NUP133: variants seen among roughly 807,000 people sequenced by gnomAD.
The protein encoded by NUP133 is nucleoporin 133, also known as nuclear pore complex protein Nup133.
Under a neutral mutation model 146.2 loss-of-function variants are expected in NUP133, and 66 were observed. The observed-to-expected ratio is 0.45, with a 90% CI of 0.37 to 0.55. The LOEUF (loss-of-function observed/expected upper bound fraction) is 0.55, where lower values mean the gene tolerates loss of function less well. Ranked by LOEUF, NUP133 falls within the 20% of genes least tolerant of loss-of-function variation. The pLI, the probability that NUP133 is intolerant of heterozygous loss-of-function variation, is 0.00. For missense variants in NUP133, 1,277 were observed against 1,374.8 expected (o/e 0.93, Z 1.12); for synonymous variants, 521 against 498.8 (o/e 1.04, Z -0.59).
intron 11 of NUP133, 119 bp downstream of exon 11, chr1:229,486,252 T>A (rs1571930803): frequency 2.4e-6 from 2 of 845,154 alleles, no homozygotes; most frequent in East Asian, 3.2e-5. Context: ...AGGCCAGGAG[T>A]TTGGGGCTGC....
At chr1:229,469,369 C>G (rs1487322755) in intron 15 of NUP133, among the ~76,000 whole-genome samples, 1 of 152,218 alleles carries the variant, frequency 6.6e-6, no homozygotes, top group Non-Finnish European at 1.5e-5. Flanking sequence ...GGCTGCCCAG[C>G]ATCTTAACCA....
chr1:229,490,524 T>C (rs1401592964), intron 8 of NUP133, among the ~76,000 whole-genome samples: 16 of 151,902 alleles, frequency 1.1e-4, no homozygotes, highest in Non-Finnish European at 2.2e-4. Flanking sequence ...AGGCAAAATA[T>C]AGGGACAGAA....
intron 24 of NUP133, among the ~76,000 whole-genome samples, chr1:229,446,357 C>G (rs1660302395): frequency 6.6e-6 from 1 of 151,890 alleles, no homozygotes; most frequent in Non-Finnish European, 1.5e-5. Flanking sequence ...TGCGGCGAGC[C>G]GAGATTGAGC....
chr1:229,482,179 T>C (rs1661228712), intron 12 of NUP133, among the ~76,000 whole-genome samples: 1 of 152,056 alleles, frequency 6.6e-6, no homozygotes, highest in African/African-American at 2.4e-5. Flanking sequence ...CCCCTTCTGG[T>C]GACAAACTAA....
chr1:229,487,325 C>A, intron 10 of NUP133, 141 bp downstream of exon 10: 1 of 772,320 alleles, frequency 1.3e-6, no homozygotes, highest in South Asian at 1.9e-5. Flanking sequence ...GTTATGGCTT[C>A]AGCTGCTGTA....
chr1:229,450,584 T>C lies in NUP133; in HGVS notation c.3121A>G (p.Arg1041Gly). ...LIGLYICEEN[R>G]RANEYDFKKA... ...TTGAAATCATATTCATTAGCTCTTC[T>C]ATTTTCTTCACAGATATATAGCTAT... The change falls in exon 23 of 26, where the codon AGA becomes GGA. Residue 1041 changes from arginine (R) to glycine (G), a missense_variant. Coordinates refer to ENST00000261396, the MANE Select transcript of NUP133 (RefSeq NM_018230.3). 6.4e-7 allele frequency: 1 copy of C among 1,573,844 alleles called. No homozygotes were observed. The highest frequency in any genetic ancestry group is 1.1e-5 in the South Asian group (1 of 87,654).
At chr1:229,507,262 T>C (rs1661970362) in intron 1 of NUP133, among the ~76,000 whole-genome samples, 2 of 152,222 alleles carry the variant, frequency 1.3e-5, no homozygotes, top group African/African-American at 4.8e-5. Context: ...TCAAAACCAC[T>C]TCTCCTTTAA....
intron 14 of NUP133, among the ~76,000 whole-genome samples, chr1:229,474,196 C>A (rs1227014070): frequency 6.6e-6 from 1 of 152,160 alleles, no homozygotes; most frequent in East Asian, 1.9e-4. Flanking sequence ...GGCTTGCAGA[C>A]CCTCCAGCTC....
At position 229,464,613 on chromosome 1, in the gene NUP133, C is replaced by G. The variant is rs1470311201; in HGVS notation, c.2551+11G>C. ...CAAATTTAAAACTCTTGCCAAGTAT[C>G]ATGAACTTACGAAGAGGAGATAAGA... is the stretch of plus-strand genomic sequence containing the variant. On this transcript the variant is annotated intron_variant, in intron 18 of 25. Transcript: ENST00000261396. 1.9e-6 allele frequency: 3 copies of G among 1,612,756 alleles called. No individual in the cohort carries two copies. The highest frequency in any genetic ancestry group is 2.2e-5 in the South Asian group (2 of 90,992).
rs757265019 is a variant in NUP133, at chr1:229,441,476, C to G, written c.*428G>C. On this transcript the variant is annotated 3_prime_UTR_variant, in exon 26 of 26. Coordinates refer to ENST00000261396, the MANE Select transcript of NUP133 (RefSeq NM_018230.3). ...CATTTCCCATTAGCCCTAACTGAAA[C>G]AGATATCAAACACCCTAGATTCTCT... is the stretch of plus-strand genomic sequence containing the variant. The G allele has an allele frequency of 3.8e-6, 2 of 531,510 alleles. No homozygotes were observed. Among genetic ancestry groups the G allele is most frequent in the Non-Finnish European group, 7.7e-6 (2 of 259,288 alleles). The allele number at this position is 531,510 out of a possible 1,614,324, so 32.9% of individuals were successfully genotyped here. A position where few individuals can be genotyped will look rare whatever the true frequency, so the allele number is the denominator to read the frequency against.
intron 12 of NUP133, among the ~76,000 whole-genome samples, chr1:229,482,892 T>G (rs1042133591): frequency 2.0e-5 from 3 of 152,196 alleles, no homozygotes; most frequent in Admixed American, 6.5e-5. Context: ...GAGAGCGAGC[T>G]GGCCAGCCTA....
chr1:229,499,274 C>T (rs146830308), intron 5 of NUP133: 16 of 469,340 alleles, frequency 3.4e-5, no homozygotes, highest in Non-Finnish European at 6.2e-5. Flanking sequence ...GTTTTTAAGC[C>T]AATCTTATAA....
intron 20 of NUP133, among the ~76,000 whole-genome samples, chr1:229,459,776 A>G (rs753905362): frequency 6.6e-6 from 1 of 152,190 alleles, no homozygotes; most frequent in Non-Finnish European, 1.5e-5. Context: ...ATGGACACTT[A>G]GGTGGATTCC....
intron 25 of NUP133, among the ~76,000 whole-genome samples, chr1:229,443,702 T>C (rs1279324144): frequency 6.6e-6 from 1 of 151,096 alleles, no homozygotes; most frequent in Non-Finnish European, 1.5e-5. Context: ...AATATACATA[T>C]ATAATACACA....
intron 3 of NUP133, 49 bp downstream of exon 3, chr1:229,501,950 T>G (rs914092699): frequency 1.5e-6 from 2 of 1,333,072 alleles, no homozygotes; most frequent in Non-Finnish European, 2.1e-6. Flanking sequence ...GAAAAGTCAA[T>G]TGGCATTCCT....
At chr1:229,444,884 T>C in intron 25 of NUP133, 30 bp downstream of exon 25, 1 of 1,465,796 alleles carries the variant, frequency 6.8e-7, no homozygotes, top group Non-Finnish European at 9.4e-7. Flanking sequence ...GACACTGTAA[T>C]TTCCAACGGT....
At chr1:229,490,169 A>G (rs1230292659) in intron 8 of NUP133, 67 bp from the exon 9 acceptor site, 66 of 1,340,066 alleles carry the variant, frequency 4.9e-5, no homozygotes. Flanking sequence ...CTATAAAATT[A>G]AACATATGCT....
intron 15 of NUP133, among the ~76,000 whole-genome samples, chr1:229,467,457 T>C (rs779327197): frequency 9.2e-5 from 14 of 152,216 alleles, no homozygotes; most frequent in Non-Finnish European, 2.1e-4. Flanking sequence ...ACAAGTTATA[T>C]AGGCACAGAT....
rs1160798431 is a variant in NUP133, at chr1:229,484,274, C to T, written c.1501-129G>A. On this transcript the variant is annotated intron_variant, in intron 11 of 25. Coordinates refer to ENST00000261396, the MANE Select transcript of NUP133 (RefSeq NM_018230.3). ...CGAGCTGTTTGCCGTATTGTCTGTA[C>T]CAGGGGTGTCCAATCTTTTGGCTTC... The T allele has an allele frequency of 1.5e-5, 8 of 532,072 alleles. No individual in the cohort carries two copies. In the South Asian group the frequency reaches 2.8e-4, roughly 19 times the overall value. 33.0% of individuals were successfully genotyped at this position (532,072 alleles called of 1,614,324 possible). A position where few individuals can be genotyped will look rare whatever the true frequency, so the allele number is the denominator to read the frequency against.
Sources: gnomAD v4.1 joint callset for allele counts (sites outside exome capture counted in the v4.1 genomes callset) on GRCh38, gnomAD v4.1.1 for gene constraint, MANE v1.5 for transcripts, NCBI Gene and HGNC (gene_info 2026-07-23, HGNC 2026-07-21) for gene names.